Variants in WARS2 observed in about 807,000 individuals in gnomAD.
The protein encoded by WARS2 is tryptophanyl tRNA synthetase 2, mitochondrial, also known as tryptophan--tRNA ligase, mitochondrial.
In WARS2, 28 loss-of-function variants were observed where a neutral mutation model predicts 36.5. The ratio of observed to expected loss-of-function variants is 0.77; its 90% confidence interval spans 0.57 to 1.05. The LOEUF (loss-of-function observed/expected upper bound fraction) is 1.05. Among genes scored for constraint, WARS2 ranks in the 50% least tolerant of loss-of-function variants. The pLI is 0.00. For missense variants in WARS2, 435 were observed against 456.8 expected, an observed-to-expected ratio of 0.95 and a Z score of 0.44; for synonymous variants, 174 against 178.4, an observed-to-expected ratio of 0.98 and a Z score of 0.20.
intron 1 of WARS2, among the ~76,000 whole-genome samples, chr1:119,120,103 G>A (rs587719753): frequency 2.0e-5 from 3 of 151,878 alleles, no homozygotes; most frequent in South Asian, 2.1e-4. Context: ...AAATACAAAC[G>A]ATAAATGAAA....
At chr1:119,135,574 T>C (rs1656422453) in intron 1 of WARS2, among the ~76,000 whole-genome samples, 1 of 152,188 alleles carries the variant, frequency 6.6e-6, no homozygotes, top group African/African-American at 2.4e-5. Context: ...ATGGGATGAA[T>C]AATATTTACA....
At chr1:119,059,584 T>C (rs1650205404) in intron 2 of WARS2, among the ~76,000 whole-genome samples, 1 of 152,248 alleles carries the variant, frequency 6.6e-6, no homozygotes, top group African/African-American at 2.4e-5. Flanking sequence ...AGCTGTATAA[T>C]AAGCTTCAAA....
chr1:119,082,554 T>C, intron 1 of WARS2: 1 of 575,948 alleles, frequency 1.7e-6, no homozygotes, highest in Non-Finnish European at 2.2e-6. Flanking sequence ...ATCTGAGCTC[T>C]TGCCACTGGA....
intron 4 of WARS2, among the ~76,000 whole-genome samples, chr1:119,037,745 T>G (rs1360261844): frequency 6.6e-6 from 1 of 152,232 alleles, no homozygotes; most frequent in Non-Finnish European, 1.5e-5. Context: ...TGAATGGCAA[T>G]GCTATCAATC....
rs1654083193 is a variant in WARS2 at position 119,104,278 on chromosome 1, C to T, written c.91-27671G>A. Among the ~76,000 whole-genome samples the T allele has an allele frequency of 2.0e-5, 3 of 151,556 alleles. No individual in the cohort carries two copies. The South Asian group carries it at 6.2e-4, about 31-fold the overall frequency. On this transcript the variant is annotated intron_variant, in intron 1 of 5. Coordinates refer to ENST00000235521, the MANE Select transcript of WARS2 (RefSeq NM_015836.4). ...CCCATAATATTAGGATCCTTTCCCC[C>T]TTATACCTATAATCTTACAATAAAC...
intron 1 of WARS2, among the ~76,000 whole-genome samples, chr1:119,135,290 C>A (rs776187013): frequency 6.6e-6 from 1 of 152,090 alleles, no homozygotes; most frequent in Non-Finnish European, 1.5e-5. Context: ...GTCTCAGGAG[C>A]CCCTGGGTTG....
chr1:119,069,389 A>G (rs1377023297), intron 2 of WARS2, among the ~76,000 whole-genome samples: 7 of 152,232 alleles, frequency 4.6e-5, no homozygotes, highest in Non-Finnish European at 8.8e-5. Context: ...ATATTTAATG[A>G]TCAATTAAAT....
At chr1:119,037,890 C>G (rs1648014275) in intron 4 of WARS2, among the ~76,000 whole-genome samples, 1 of 152,152 alleles carries the variant, frequency 6.6e-6, no homozygotes. Flanking sequence ...TCATCATGGC[C>G]CATATTAGAC....
intron 1 of WARS2, among the ~76,000 whole-genome samples, chr1:119,122,834 C>A (rs1156806320): frequency 6.6e-6 from 1 of 151,794 alleles, no homozygotes; most frequent in South Asian, 2.1e-4. Context: ...AACTAAGCAA[C>A]GAAGACACAA....
At chr1:119,134,103 G>GGATA (rs1490699653) in intron 1 of WARS2, among the ~76,000 whole-genome samples, 2 of 151,490 alleles carry the variant, frequency 1.3e-5, no homozygotes, top group Admixed American at 6.6e-5. Flanking sequence ...CAAGAAAATG[G>GGATA]GATAATAAGC....
intron 1 of WARS2, among the ~76,000 whole-genome samples, chr1:119,109,333 A>C (rs934734649): frequency 6.6e-6 from 1 of 151,780 alleles, no homozygotes; most frequent in African/African-American, 2.4e-5. Context: ...TTCTCTTTGG[A>C]GTTCTATCAG....
intron 1 of WARS2, among the ~76,000 whole-genome samples, chr1:119,115,981 A>T (rs970105161): frequency 1.3e-5 from 2 of 152,180 alleles, no homozygotes; most frequent in African/African-American, 4.8e-5. Flanking sequence ...ACCCTCACTA[A>T]AGGCTGATTT....
chr1:119,075,154 G>GTATATATATATATATATATATA (rs774946774), intron 2 of WARS2, among the ~76,000 whole-genome samples: 16 of 151,112 alleles, frequency 1.1e-4, no homozygotes, highest in African/African-American at 3.7e-4. Flanking sequence ...AAAAATTAGT[G>GTATATATATATATATATATATA]TATATATATA....
At chr1:119,122,386 A>G (rs370187859) in intron 1 of WARS2, among the ~76,000 whole-genome samples, 3 of 152,176 alleles carry the variant, frequency 2.0e-5, no homozygotes, top group South Asian at 4.1e-4. Context: ...TTAAAAATCA[A>G]AAAGTAATAG....
At chr1:119,046,600 C>T (rs1648865244) in intron 2 of WARS2, among the ~76,000 whole-genome samples, 1 of 151,696 alleles carries the variant, frequency 6.6e-6, no homozygotes, top group Non-Finnish European at 1.5e-5. Flanking sequence ...TCGTGATCCA[C>T]CCACCCCAGC....
intron 1 of WARS2, among the ~76,000 whole-genome samples, chr1:119,106,273 T>C (rs113487985): frequency 6.6e-6 from 1 of 151,602 alleles, no homozygotes; most frequent in African/African-American, 2.4e-5. Context: ...TCCCACACCA[T>C]AGTGGTACAT....
chr1:119,099,251 C>T (rs1423717769), intron 1 of WARS2, among the ~76,000 whole-genome samples: 3 of 152,104 alleles, frequency 2.0e-5, no homozygotes, highest in Non-Finnish European at 2.9e-5. Flanking sequence ...AGGACAGAAA[C>T]ACAGCACAAC....
intron 1 of WARS2, among the ~76,000 whole-genome samples, chr1:119,115,815 T>C (rs909819428): frequency 2.0e-5 from 3 of 152,210 alleles, no homozygotes; most frequent in African/African-American, 7.2e-5. Flanking sequence ...TTCTGTGAAG[T>C]TCAGATGGGT....
At chr1:119,033,466 ATT>A in intron 5 of WARS2, 107 bp from the exon 6 acceptor site, 1 of 1,429,750 alleles carries the variant, frequency 7.0e-7, no homozygotes, top group Admixed American at 1.8e-5. Context: ...TTGAATTATG[ATT>A]TTTCAACTTT....
Sources: gnomAD v4.1 joint callset for allele counts (sites outside exome capture counted in the v4.1 genomes callset) on GRCh38, gnomAD v4.1.1 for gene constraint, MANE v1.5 for transcripts, NCBI Gene and HGNC (gene_info 2026-07-23, HGNC 2026-07-21) for gene names.